CTNNA2: variants seen among roughly 807,000 people sequenced by gnomAD.
CTNNA2 encodes the protein catenin alpha 2.
CTNNA2 carries 42 observed loss-of-function variants against 101.0 expected under a neutral mutation model. The ratio of observed to expected loss-of-function variants is 0.42; its 90% CI spans 0.32 to 0.54. The LOEUF (loss-of-function observed/expected upper bound fraction) is 0.54, where lower values mean the gene tolerates loss of function less well. Among genes scored for constraint, CTNNA2 ranks in the 20% least tolerant of loss-of-function variants. CTNNA2 has a pLI of 0.14. For missense variants in CTNNA2, 871 were observed against 1,223.1 expected (o/e 0.71, Z 4.29); for synonymous variants, 450 against 456.4 (o/e 0.99, Z 0.18).
intron 4 of CTNNA2, among the ~76,000 whole-genome samples, chr2:79,407,510 C>T (rs1431170036): frequency 6.6e-6 from 1 of 151,928 alleles, no homozygotes; most frequent in African/African-American, 2.4e-5. Flanking sequence ...TATCCCCACA[C>T]ACCTACAACA....
chr2:80,068,390 A>G (rs1698114849), intron 7 of CTNNA2, among the ~76,000 whole-genome samples: 1 of 152,250 alleles, frequency 6.6e-6, no homozygotes, highest in African/African-American at 2.4e-5. Context: ...ACTAGAGCAA[A>G]GCTCTTTGTG....
chr2:79,372,983 T>C (rs1339469810), intron 3 of CTNNA2, among the ~76,000 whole-genome samples: 1 of 152,112 alleles, frequency 6.6e-6, no homozygotes, highest in Admixed American at 6.5e-5. Context: ...TCCCTACAAA[T>C]GGACAGCAGC....
chr2:80,293,887 G>T (rs912916519), intron 7 of CTNNA2, among the ~76,000 whole-genome samples: 1 of 152,158 alleles, frequency 6.6e-6, no homozygotes, highest in South Asian at 2.1e-4. Context: ...GCAAAGAAAA[G>T]AGTGTCAGGC....
intron 9 of CTNNA2, among the ~76,000 whole-genome samples, chr2:80,527,190 C>T (rs1034169329): frequency 6.6e-6 from 1 of 152,192 alleles, no homozygotes; most frequent in African/African-American, 2.4e-5. Context: ...AACTCACTTT[C>T]ATAGAGTTGT....
chr2:79,451,561 G>A (rs1169763484), intron 4 of CTNNA2, among the ~76,000 whole-genome samples: 1 of 151,758 alleles, frequency 6.6e-6, no homozygotes, highest in Admixed American at 6.6e-5. Flanking sequence ...AGAGACTGGA[G>A]TTAAAAAAAA....
At chr2:79,915,163 A>T (rs910774746) in intron 7 of CTNNA2, among the ~76,000 whole-genome samples, 1 of 147,286 alleles carries the variant, frequency 6.8e-6, no homozygotes, top group Admixed American at 6.9e-5. Context: ...ATAGTGGAAA[A>T]GAAATATATG....
Position 80,411,297 on chromosome 2 carries a change from C to A in CTNNA2, c.1138-8152C>A, listed in dbSNP as rs142105892. 8.6e-5 allele frequency among the ~76,000 whole-genome samples: 13 copies of A among 151,680 alleles called. No homozygotes were observed. The East Asian group carries it at 2.5e-3, about 29-fold the overall frequency. On this transcript the variant is annotated intron_variant, in intron 8 of 18. Transcript: ENST00000402739. ...ACAAGTTCTCCTTTTTTTTTCCGAT[C>A]CCTAAATCCCCAGAAAGTGAGAATC...
At chr2:79,388,599 A>G (rs568303817) in intron 4 of CTNNA2, among the ~76,000 whole-genome samples, 33 of 152,270 alleles carry the variant, frequency 2.2e-4, no homozygotes, top group African/African-American at 7.9e-4. Flanking sequence ...AATAGTGTCC[A>G]CAGCATACAT....
At chr2:79,371,041 G>C (rs1322835323) in intron 3 of CTNNA2, among the ~76,000 whole-genome samples, 1 of 152,030 alleles carries the variant, frequency 6.6e-6, no homozygotes, top group East Asian at 1.9e-4. Flanking sequence ...TTGCCACTCA[G>C]AGAAGTTTCT....
chr2:80,080,013 A>G (rs1199059675), intron 7 of CTNNA2, among the ~76,000 whole-genome samples: 1 of 152,156 alleles, frequency 6.6e-6, no homozygotes, highest in Non-Finnish European at 1.5e-5. Context: ...TAAAATAATG[A>G]TTTGAGCCTT....
intron 7 of CTNNA2, among the ~76,000 whole-genome samples, chr2:80,161,971 T>G (rs1704356961): frequency 6.6e-6 from 1 of 152,090 alleles, no homozygotes; most frequent in Non-Finnish European, 1.5e-5. Flanking sequence ...AAGCAATGCC[T>G]TTATCCCCAA....
At chr2:80,062,943 G>C (rs1382297123) in intron 7 of CTNNA2, among the ~76,000 whole-genome samples, 1 of 152,120 alleles carries the variant, frequency 6.6e-6, no homozygotes, top group African/African-American at 2.4e-5. Context: ...CTGACCTCGT[G>C]ATCCACCTGC....
intron 2 of CTNNA2, among the ~76,000 whole-genome samples, chr2:79,312,507 C>A (rs745720807): frequency 6.6e-6 from 1 of 152,100 alleles, no homozygotes; most frequent in Non-Finnish European, 1.5e-5. Flanking sequence ...ATGACAGGCA[C>A]CTGTTAGGTA....
chr2:80,210,417 A>G (rs1573398946), intron 7 of CTNNA2, among the ~76,000 whole-genome samples: 1 of 151,892 alleles, frequency 6.6e-6, no homozygotes, highest in Admixed American at 6.6e-5. Context: ...CCTATGTCCA[A>G]GTGTTCTCAT....
At chr2:79,770,967 G>C (rs185056949) in intron 3 of CTNNA2, among the ~76,000 whole-genome samples, 1 of 152,336 alleles carries the variant, frequency 6.6e-6, no homozygotes, top group Non-Finnish European at 1.5e-5. Context: ...AACACAGTTA[G>C]TGGCAAATCA....
chr2:80,043,064 TTTC>T (rs1483496261), intron 7 of CTNNA2, among the ~76,000 whole-genome samples: 2 of 50,106 alleles, frequency 4.0e-5, no homozygotes, highest in Non-Finnish European at 8.3e-5. Context: ...TCTTTCTTTC[TTTC>T]TTTCTTTCTT....
intron 1 of CTNNA2, among the ~76,000 whole-genome samples, chr2:79,638,438 C>A (rs1178864024): frequency 6.6e-6 from 1 of 152,150 alleles, no homozygotes; most frequent in East Asian, 1.9e-4. Context: ...ATATGCTGAA[C>A]ACAACTCGTG....
chr2:79,566,911 AT>A (rs1373201273), intron 1 of CTNNA2, among the ~76,000 whole-genome samples: 1 of 152,190 alleles, frequency 6.6e-6, no homozygotes, highest in Non-Finnish European at 1.5e-5. Context: ...TAAAACAGAT[AT>A]GGCATCTTTA....
chr2:80,556,379 A>T (rs1165465984), intron 12 of CTNNA2, among the ~76,000 whole-genome samples: 1 of 152,168 alleles, frequency 6.6e-6, no homozygotes, highest in African/African-American at 2.4e-5. Context: ...GGAAAGCATA[A>T]AGGTTTTAGA....
Sources: gnomAD v4.1 joint callset for allele counts (sites outside exome capture counted in the v4.1 genomes callset) on GRCh38, gnomAD v4.1.1 for gene constraint, MANE v1.5 for transcripts, NCBI Gene and HGNC (gene_info 2026-07-23, HGNC 2026-07-21) for gene names.